The following XKR4 variants were observed in gnomAD, a reference collection of about 807,000 sequenced individuals.
The protein encoded by XKR4 is XK related 4.
XKR4 carries 12 observed loss-of-function variants against 53.9 expected under a neutral mutation model. The observed-to-expected ratio is 0.22, with a 90% confidence interval of 0.14 to 0.36. The LOEUF is 0.36. Ranked by LOEUF, XKR4 falls within the 10% of genes least tolerant of loss-of-function variation. The pLI is 1.00. For missense variants in XKR4, 799 were observed against 859.5 expected, an observed-to-expected ratio of 0.93 and a Z score of 0.88; for synonymous variants, 354 against 362.4, an observed-to-expected ratio of 0.98 and a Z score of 0.26.
At chr8:55,479,730 C>T (rs1371696278) in intron 2 of XKR4, among the ~76,000 whole-genome samples, 1 of 152,012 alleles carries the variant, frequency 6.6e-6, no homozygotes, top group Non-Finnish European at 1.5e-5. Flanking sequence ...ACCACCAATC[C>T]CACAGAAATA....
At chr8:55,486,139 TA>T (rs957481269) in intron 2 of XKR4, among the ~76,000 whole-genome samples, 10 of 152,072 alleles carry the variant, frequency 6.6e-5, no homozygotes, top group Non-Finnish European at 1.2e-4. Flanking sequence ...AGATGAACCA[TA>T]AAAAAATCTG....
chr8:55,128,695 C>T (rs1208247256), intron 1 of XKR4, among the ~76,000 whole-genome samples: 1 of 152,148 alleles, frequency 6.6e-6, no homozygotes, highest in Non-Finnish European at 1.5e-5. Context: ...CCAAACGTAC[C>T]ATGATTGCTG....
chr8:55,165,520 A>G (rs1264631989), intron 1 of XKR4, among the ~76,000 whole-genome samples: 2 of 152,198 alleles, frequency 1.3e-5, no homozygotes, highest in Non-Finnish European at 2.9e-5. Flanking sequence ...AAACTAATCC[A>G]CAAAACTCTC....
chr8:55,321,815 C>T (rs1450336500), intron 1 of XKR4, among the ~76,000 whole-genome samples: 1 of 152,034 alleles, frequency 6.6e-6, no homozygotes, highest in Non-Finnish European at 1.5e-5. Flanking sequence ...GTGGTGAAAC[C>T]CCGTCTCTAC....
intron 1 of XKR4, among the ~76,000 whole-genome samples, chr8:55,266,518 C>A (rs905196712): frequency 1.3e-5 from 2 of 151,994 alleles, no homozygotes; most frequent in East Asian, 1.9e-4. Flanking sequence ...AGGCATCCAG[C>A]CCTTTTGAAA....
At position 55,375,727 on chromosome 8, in the gene XKR4, T is replaced by A. The variant is rs993959835; in HGVS notation, c.1006+17850T>A. 1.5e-4 allele frequency among the ~76,000 whole-genome samples: 22 copies of A among 151,682 alleles called. No homozygotes were observed. In the East Asian group the frequency reaches 1.5e-3, roughly 11 times the overall value. ...ATTTTCTTCTTTTTCTTTTTTTTTT[T>A]AAATATATTTTTTAAGTTCCAGGGT... On this transcript the variant is annotated intron_variant, in intron 2 of 2. Transcript: ENST00000327381.
chr8:55,392,442 A>G (rs114692933), intron 2 of XKR4, among the ~76,000 whole-genome samples: 1,998 of 152,350 alleles, frequency 0.013, 51 homozygotes, highest in African/African-American at 0.046. Flanking sequence ...CAATTAATTA[A>G]TTGACTGGAA....
At chr8:55,393,447 GAAGGAAGGAAGA>G (rs1043485182) in intron 2 of XKR4, among the ~76,000 whole-genome samples, 7 of 84,348 alleles carry the variant, frequency 8.3e-5, no homozygotes, top group African/African-American at 2.0e-4. Flanking sequence ...AGGAAGGAAG[GAAGGAAGGAAGA>G]AAGGAAGGAA....
At chr8:55,122,550 C>T (rs1020771397) in intron 1 of XKR4, among the ~76,000 whole-genome samples, 1 of 152,092 alleles carries the variant, frequency 6.6e-6, no homozygotes, top group Non-Finnish European at 1.5e-5. Flanking sequence ...ATTTGTAAGT[C>T]TGTTGATTAG....
chr8:55,451,536 T>A, intron 2 of XKR4: 1 of 1,038,964 alleles, frequency 9.6e-7, no homozygotes, highest in Non-Finnish European at 1.4e-6. Flanking sequence ...CGACTACACC[T>A]ATGCCGTACA....
At chr8:55,230,521 C>T (rs995469724) in intron 1 of XKR4, among the ~76,000 whole-genome samples, 1 of 152,086 alleles carries the variant, frequency 6.6e-6, no homozygotes, top group Non-Finnish European at 1.5e-5. Context: ...GCATGTGCCA[C>T]CATGCCTGGC....
chr8:55,358,195 C>A (rs1371783908), intron 2 of XKR4, among the ~76,000 whole-genome samples: 1 of 151,988 alleles, frequency 6.6e-6, no homozygotes, highest in Non-Finnish European at 1.5e-5. Flanking sequence ...GTATAATTTC[C>A]AAAAGTTGCA....
intron 1 of XKR4, among the ~76,000 whole-genome samples, chr8:55,349,328 G>A (rs895644100): frequency 1.3e-5 from 2 of 152,172 alleles, no homozygotes; most frequent in Non-Finnish European, 2.9e-5. Context: ...AATACCATCT[G>A]AGCGTTTTTG....
At chr8:55,142,681 G>A (rs1478482213) in intron 1 of XKR4, among the ~76,000 whole-genome samples, 3 of 152,168 alleles carry the variant, frequency 2.0e-5, no homozygotes, top group Non-Finnish European at 2.9e-5. Flanking sequence ...AAAATTTCCA[G>A]TTTTGGTAAA....
intron 2 of XKR4, among the ~76,000 whole-genome samples, chr8:55,397,780 C>A (rs919572380): frequency 3.3e-5 from 5 of 152,086 alleles, no homozygotes; most frequent in Non-Finnish European, 7.4e-5. Flanking sequence ...CACTGCAAGT[C>A]CTTAAAAACC....
At chr8:55,482,744 A>T (rs1167952656) in intron 2 of XKR4, among the ~76,000 whole-genome samples, 1 of 152,096 alleles carries the variant, frequency 6.6e-6, no homozygotes, top group Non-Finnish European at 1.5e-5. Context: ...AATAAAATGG[A>T]ATTGTTTGCA....
intron 2 of XKR4, chr8:55,450,324 G>A (rs909658632): frequency 1.6e-5 from 12 of 728,896 alleles, no homozygotes; most frequent in Non-Finnish European, 2.5e-5. Context: ...CCTCAGCGCA[G>A]AAGTCCTACA....
chr8:55,492,594 C>T (rs1191862893), intron 2 of XKR4, among the ~76,000 whole-genome samples: 1 of 152,220 alleles, frequency 6.6e-6, no homozygotes, highest in African/African-American at 2.4e-5. Context: ...ATGATGCCAT[C>T]GCTTAGAAGA....
rs147219597 is a variant in XKR4 at position 55,503,835 on chromosome 8, G to A, written c.1007-19446G>A. Among the ~76,000 whole-genome samples, 569 of 152,106 alleles carry A rather than the reference G, an allele frequency of 3.7e-3. 5 individuals carry two copies. The highest frequency in any genetic ancestry group is 0.013 in the African/African-American group (533 of 41,512). On this transcript the variant is annotated intron_variant, in intron 2 of 2. Coordinates refer to ENST00000327381, the MANE Select transcript of XKR4 (RefSeq NM_052898.2). ...CCATCAAGTATTTTTTTAGCTGTGG[G>A]CTTTTCGTTTATGGCCTTTATTATG...
Sources: gnomAD v4.1 joint callset for allele counts (sites outside exome capture counted in the v4.1 genomes callset) on GRCh38, gnomAD v4.1.1 for gene constraint, MANE v1.5 for transcripts, NCBI Gene and HGNC (gene_info 2026-07-23, HGNC 2026-07-21) for gene names.